The following GSDME variants were observed in gnomAD, a reference collection of about 807,000 sequenced individuals.
GSDME encodes the protein gasdermin E, also known as gasdermin-E.
A neutral mutation model predicts 47.5 loss-of-function variants in GSDME; 44 were observed. The ratio of observed to expected loss-of-function variants is 0.93; its 90% CI spans 0.73 to 1.19. GSDME has a LOEUF of 1.19. Among genes scored for constraint, GSDME ranks in the 50% most tolerant of loss-of-function variants. The probability of loss-of-function intolerance (pLI) is 0.00; values close to 1 mark genes in which losing one functional copy is unlikely to be tolerated. For synonymous variants in GSDME, 258 were observed against 252.8 expected (o/e 1.02, Z -0.20); for missense variants, 663 against 604.2 (o/e 1.10, Z -1.02).
rs953224213 is a variant in GSDME at position 24,757,070 on chromosome 7, G to T, written c.-20+326C>A. Among the ~76,000 whole-genome samples, 1 of 152,134 alleles carries T rather than the reference G, an allele frequency of 6.6e-6. No individual in the cohort carries two copies. The highest frequency in any genetic ancestry group is 1.5e-5 in the Non-Finnish European group (1 of 68,010). Reference sequence around the variant, plus strand: ...TTGGGAGAACGAAAATACCAGCTGCGCTTCCAACATCCAAGGAAGGAAGTG... The same window carrying T: ...TTGGGAGAACGAAAATACCAGCTGCTCTTCCAACATCCAAGGAAGGAAGTG... On this transcript the variant is annotated intron_variant, in intron 1 of 9. Transcript: ENST00000645220. This position sits in a 1 kb window ranked among gnomAD's most constrained non-coding sequence, Gnocchi z 5.9.
intron 1 of GSDME, among the ~76,000 whole-genome samples, chr7:24,752,007 G>A (rs923336226): frequency 1.1e-4 from 16 of 152,226 alleles, no homozygotes; most frequent in African/African-American, 3.9e-4. Context: ...AAGTCCTCCT[G>A]AAGTCGATGA....
At chr7:24,751,919 T>C (rs560188460) in intron 1 of GSDME, among the ~76,000 whole-genome samples, 13 of 152,318 alleles carry the variant, frequency 8.5e-5, no homozygotes, top group Admixed American at 7.8e-4. Context: ...TTATGTTAGC[T>C]ACTGGCAGAG....
rs59662781 is a variant in GSDME at position 24,708,474 on chromosome 7, A to C, written c.863-220T>G. ...GGGAGGAGAGAGAGAGAAAGAGGGA[A>C]GCCAAGTTTTGTATTTCAAGCTTCA... On this transcript the variant is annotated intron_variant, in intron 6 of 9. Coordinates refer to ENST00000645220, the MANE Select transcript of GSDME (RefSeq NM_001127453.2). 8.8e-4 allele frequency among the ~76,000 whole-genome samples: 134 copies of C among 152,334 alleles called. 1 individual carries two copies. Among genetic ancestry groups the C allele is most frequent in the African/African-American group, 3.1e-3 (130 of 41,582 alleles).
chr7:24,708,039 G>T (rs1452975962), intron 7 of GSDME, 88 bp downstream of exon 7: 67 of 1,535,898 alleles, frequency 4.4e-5, no homozygotes, highest in Non-Finnish European at 5.8e-5. Context: ...AGGAGGCGGG[G>T]GAACCTTTAA....
At chr7:24,719,446 G>A (rs1419195762) in intron 3 of GSDME, among the ~76,000 whole-genome samples, 1 of 152,192 alleles carries the variant, frequency 6.6e-6, no homozygotes, top group Non-Finnish European at 1.5e-5. Flanking sequence ...AGATGCCAGA[G>A]GGAAGGGGGC....
rs771665814 is a variant in GSDME, at chr7:24,721,443, C to T, written c.405-2225G>A. On this transcript the variant is annotated intron_variant, in intron 3 of 9. Transcript: ENST00000645220. The surrounding 1 kb of genome is among the most constrained non-coding windows in gnomAD (Gnocchi z 4.1). ...CCCTGGAGCCTGCAGGGCTGGGGTTCGGATCTCAGCTCTGCCCTCCCACTG... is the reference window on the plus strand; with the variant it reads ...CCCTGGAGCCTGCAGGGCTGGGGTTTGGATCTCAGCTCTGCCCTCCCACTG... 2.0e-5 allele frequency among the ~76,000 whole-genome samples: 3 copies of T among 152,302 alleles called. No homozygotes were observed. The highest frequency in any genetic ancestry group is 4.8e-5 in the African/African-American group (2 of 41,570).
chr7:24,717,453 T>G, intron 4 of GSDME, 79 bp from the exon 5 acceptor site: 1 of 1,602,550 alleles, frequency 6.2e-7, no homozygotes, highest in South Asian at 1.1e-5. Flanking sequence ...GCCAGCCTCG[T>G]GCCTTATACA....
chr7:24,774,617 C>T, the GSDME span, among the ~76,000 whole-genome samples: 1 of 152,140 alleles, frequency 6.6e-6, no homozygotes, highest in South Asian at 2.1e-4. Flanking sequence ...ACTGCAACCT[C>T]TGCCTCCCAG....
intron 4 of GSDME, among the ~76,000 whole-genome samples, chr7:24,718,037 G>A (rs1031513758): frequency 1.3e-5 from 2 of 152,254 alleles, no homozygotes; most frequent in Non-Finnish European, 2.9e-5. Context: ...ATCCTGGTCA[G>A]AGTGTGTTGC....
the GSDME span, among the ~76,000 whole-genome samples, chr7:24,766,832 C>A: frequency 1.3e-5 from 2 of 152,156 alleles, no homozygotes; most frequent in African/African-American, 4.8e-5. This position sits in a 1 kb window ranked among gnomAD's most constrained non-coding sequence, Gnocchi z 4.2. Flanking sequence ...AATGGGATTG[C>A]TGAATCAAAT....
Position 24,735,404 on chromosome 7 carries a change from G to A in GSDME, c.404+9158C>T, listed in dbSNP as rs1371788635. On this transcript the variant is annotated intron_variant, in intron 3 of 9. Transcript: ENST00000645220. The surrounding 1 kb of genome is among the most constrained non-coding windows in gnomAD (Gnocchi z 4.4). ...CACAGACTATTATAACACTGTCACTGTGGTATGTAAACTACTCATATCTTA... is the reference window on the plus strand; with the variant it reads ...CACAGACTATTATAACACTGTCACTATGGTATGTAAACTACTCATATCTTA... Among the ~76,000 whole-genome samples the A allele has an allele frequency of 6.6e-6, 1 of 152,184 alleles. No individual in the cohort carries two copies. Among genetic ancestry groups the A allele is most frequent in the Non-Finnish European group, 1.5e-5 (1 of 68,034 alleles).
intron 2 of GSDME, among the ~76,000 whole-genome samples, chr7:24,748,767 A>G (rs1054499256): frequency 1.3e-5 from 2 of 152,030 alleles, no homozygotes; most frequent in Non-Finnish European, 2.9e-5. Flanking sequence ...ACATAAGCCC[A>G]TCCCCCATGC....
chr7:24,711,114 A>G (rs140051509), intron 5 of GSDME, among the ~76,000 whole-genome samples: 5,851 of 152,350 alleles, frequency 0.038, 156 homozygotes, highest in Non-Finnish European at 0.057. Context: ...TGGCTAAAAC[A>G]TGAATTGCCC....
At position 24,724,196 on chromosome 7, in the gene GSDME, A is replaced by T. The variant is rs113937546; in HGVS notation, c.405-4978T>A. 6.6e-6 allele frequency among the ~76,000 whole-genome samples: 1 copy of T among 151,164 alleles called. No homozygotes were observed. The highest frequency in any genetic ancestry group is 2.4e-5 in the African/African-American group (1 of 40,864). On this transcript the variant is annotated intron_variant, in intron 3 of 9. Coordinates refer to ENST00000645220, the MANE Select transcript of GSDME (RefSeq NM_001127453.2). The surrounding 1 kb of genome is among the most constrained non-coding windows in gnomAD (Gnocchi z 4.8). Reference sequence around the variant, plus strand: ...TTCCAAAAAAAAAAAAAAGTATTTTAAAAAAAGGCCTTCTGGACAGACTGT... The same window carrying T: ...TTCCAAAAAAAAAAAAAAGTATTTTTAAAAAAGGCCTTCTGGACAGACTGT...
intron 8 of GSDME, 156 bp downstream of exon 8, chr7:24,706,028 A>G: frequency 1.1e-6 from 1 of 914,866 alleles, no homozygotes; most frequent in Non-Finnish European, 1.7e-6. Flanking sequence ...GTTTCCCATC[A>G]GCCTCCCACC....
chr7:24,749,514 A>AT, intron 2 of GSDME, 50 bp downstream of exon 2: 12 of 1,388,210 alleles, frequency 8.6e-6, no homozygotes, highest in African/African-American at 1.5e-5. Flanking sequence ...AAAAAAAAAA[A>AT]GGATCATCCT....
rs1280006176 is a variant in GSDME, at chr7:24,705,836, TTGCTG to T, written c.1183+343_1183+347del. The T allele has an allele frequency of 2.6e-6, 1 of 387,034 alleles. No individual in the cohort carries two copies. The highest frequency in any genetic ancestry group is 6.2e-5 in the East Asian group (1 of 16,030). 24.0% of individuals were successfully genotyped at this position (387,034 alleles called of 1,614,324 possible). A position where few individuals can be genotyped will look rare whatever the true frequency, so the allele number is the denominator to read the frequency against. On this transcript the variant is annotated intron_variant, in intron 8 of 9. Transcript: ENST00000645220. This position sits in a 1 kb window ranked among gnomAD's most constrained non-coding sequence, Gnocchi z 4.1. ...GAGGAGAGCAGTTGGCAAATGAAAGTTGCTGCCACTCAGCTCTGCTGGGACTCCGG... is the reference window on the plus strand; with the variant it reads ...GAGGAGAGCAGTTGGCAAATGAAAGTCCACTCAGCTCTGCTGGGACTCCGG...
intron 3 of GSDME, among the ~76,000 whole-genome samples, chr7:24,719,558 T>C (rs1051761372): frequency 1.2e-4 from 19 of 152,104 alleles, no homozygotes; most frequent in African/African-American, 4.6e-4. Context: ...TTTGGGAGGC[T>C]GAGGCAGGCA....
At position 24,754,806 on chromosome 7, in the gene GSDME, AAT is replaced by A. The variant is rs1790965312; in HGVS notation, c.-20+2588_-20+2589del. Among the ~76,000 whole-genome samples, 1 of 152,310 alleles carries A rather than the reference AAT, an allele frequency of 6.6e-6. No homozygotes were observed. The highest frequency in any genetic ancestry group is 2.4e-5 in the African/African-American group (1 of 41,560). On this transcript the variant is annotated intron_variant, in intron 1 of 9. Coordinates refer to ENST00000645220, the MANE Select transcript of GSDME (RefSeq NM_001127453.2). The surrounding 1 kb of genome is among the most constrained non-coding windows in gnomAD (Gnocchi z 5.0). Reference sequence around the variant, plus strand: ...CAGTCATGGAGTTATCTAGTTTTTAAATTAGAAGAGAAACCTCATTCTTTCTC... The same window carrying A: ...CAGTCATGGAGTTATCTAGTTTTTAATAGAAGAGAAACCTCATTCTTTCTC...
Sources: gnomAD v4.1 joint callset for allele counts (sites outside exome capture counted in the v4.1 genomes callset) on GRCh38, gnomAD v4.1.1 for gene constraint, Gnocchi (gnomAD v3.1) non-coding constraint, MANE v1.5 for transcripts, NCBI Gene and HGNC (gene_info 2026-07-23, HGNC 2026-07-21) for gene names.